GRIK3: variants seen among roughly 807,000 people sequenced by gnomAD.
The protein encoded by GRIK3 is glutamate ionotropic receptor kainate type subunit 3.
Under a neutral mutation model 102.5 loss-of-function variants are expected in GRIK3, and 29 were observed. The ratio of observed to expected loss-of-function variants is 0.28; its 90% CI spans 0.21 to 0.39. The LOEUF (loss-of-function observed/expected upper bound fraction) is 0.39, where lower values mean the gene tolerates loss of function less well. Among genes scored for constraint, GRIK3 ranks in the 10% least tolerant of loss-of-function variants. The pLI is 1.00. For synonymous variants in GRIK3, 511 were observed against 504.9 expected, an observed-to-expected ratio of 1.01 and a Z score of -0.16; for missense variants, 908 against 1,252.4, an observed-to-expected ratio of 0.73 and a Z score of 4.15.
intron 1 of GRIK3, among the ~76,000 whole-genome samples, chr1:36,960,221 C>T (rs1168070291): frequency 3.3e-5 from 5 of 150,174 alleles, no homozygotes; most frequent in African/African-American, 7.4e-5. Flanking sequence ...AGCCTGTGTG[C>T]CCTGTGAGCC....
intron 10 of GRIK3, among the ~76,000 whole-genome samples, chr1:36,841,141 AC>A (rs370407112): frequency 1.7e-4 from 25 of 150,862 alleles, no homozygotes; most frequent in African/African-American, 5.6e-4. Context: ...GCCCAGGTAC[AC>A]CCCCCACCCC....
chr1:36,958,182 GC>G (rs1274749390), intron 1 of GRIK3, among the ~76,000 whole-genome samples: 10 of 71,034 alleles, frequency 1.4e-4, no homozygotes, highest in African/African-American at 7.0e-4. Context: ...GTGAGTCTGT[GC>G]CCCTGAGTCT....
chr1:36,986,465 C>CCCATCCATCCATCCAT (rs774258723), intron 1 of GRIK3, among the ~76,000 whole-genome samples: 1 of 115,188 alleles, frequency 8.7e-6, no homozygotes, highest in Non-Finnish European at 1.8e-5. Context: ...CATCCATCAG[C>CCCATCCATCCATCCAT]CCATCCATCC....
chr1:36,949,421 G>A (rs950897624), intron 1 of GRIK3, among the ~76,000 whole-genome samples: 4 of 152,062 alleles, frequency 2.6e-5, no homozygotes, highest in Non-Finnish European at 5.9e-5. Flanking sequence ...AGCTCACAGA[G>A]GGCTTTCAAT....
At chr1:36,977,543 T>C (rs1024876521) in intron 1 of GRIK3, among the ~76,000 whole-genome samples, 4 of 152,022 alleles carry the variant, frequency 2.6e-5, no homozygotes, top group East Asian at 1.9e-4. Flanking sequence ...ATGCAAAAAA[T>C]GTAGAAAATT....
At chr1:36,858,671 T>A (rs1477940075) in intron 7 of GRIK3, among the ~76,000 whole-genome samples, 1 of 152,170 alleles carries the variant, frequency 6.6e-6, no homozygotes, top group African/African-American at 2.4e-5. Flanking sequence ...TTGACCCTCC[T>A]CCTGCACTAA....
chr1:36,944,317 T>A (rs556302221), intron 1 of GRIK3, among the ~76,000 whole-genome samples: 1 of 152,212 alleles, frequency 6.6e-6, no homozygotes, highest in Non-Finnish European at 1.5e-5. Flanking sequence ...GGGATGAACT[T>A]GGTTGAAGAA....
At chr1:36,843,448 A>G (rs1475031758) in intron 9 of GRIK3, among the ~76,000 whole-genome samples, 1 of 152,180 alleles carries the variant, frequency 6.6e-6, no homozygotes, top group African/African-American at 2.4e-5. Context: ...GTGATAGATG[A>G]GGAAATTCAG....
At chr1:37,016,292 C>T (rs1642651548) in intron 1 of GRIK3, among the ~76,000 whole-genome samples, 2 of 152,238 alleles carry the variant, frequency 1.3e-5, no homozygotes, top group African/African-American at 2.4e-5. Context: ...TGACACCCAT[C>T]ACTTACTCAC....
intron 1 of GRIK3, among the ~76,000 whole-genome samples, chr1:36,897,146 A>C (rs1474969194): frequency 6.6e-6 from 1 of 152,220 alleles, no homozygotes. Flanking sequence ...AGTTCTATCC[A>C]GAGCAGTTAG....
intron 1 of GRIK3, among the ~76,000 whole-genome samples, chr1:36,949,914 C>G (rs1184341686): frequency 2.0e-5 from 3 of 152,110 alleles, no homozygotes; most frequent in Non-Finnish European, 2.9e-5. Context: ...CCCCACTTTA[C>G]AGAGAAGAAA....
chr1:36,936,742 C>T (rs1193757804), intron 1 of GRIK3, among the ~76,000 whole-genome samples: 9 of 152,110 alleles, frequency 5.9e-5, no homozygotes, highest in Admixed American at 3.9e-4. Flanking sequence ...CATCCTCTGC[C>T]AAGTGAGTCT....
chr1:36,900,848 A>G (rs577960119), intron 1 of GRIK3, among the ~76,000 whole-genome samples: 2 of 152,334 alleles, frequency 1.3e-5, no homozygotes, highest in South Asian at 4.1e-4. Context: ...ACAAATTGTT[A>G]GTATCAGAAG....
chr1:36,869,188 G>A (rs1383230448), intron 5 of GRIK3, among the ~76,000 whole-genome samples: 1 of 152,180 alleles, frequency 6.6e-6, no homozygotes, highest in Non-Finnish European at 1.5e-5. Context: ...CTCAGAGTTT[G>A]GACAGGACCC....
chr1:37,030,504 T>G (rs1642812106), intron 1 of GRIK3, among the ~76,000 whole-genome samples: 1 of 149,562 alleles, frequency 6.7e-6, no homozygotes, highest in African/African-American at 2.5e-5. Context: ...ATGCTCAGAG[T>G]CCAGAGCTGG....
At chr1:36,848,495 T>C (rs1186751589) in intron 9 of GRIK3, among the ~76,000 whole-genome samples, 2 of 152,174 alleles carry the variant, frequency 1.3e-5, no homozygotes, top group African/African-American at 4.8e-5. Context: ...ACTTTTATCC[T>C]TTTGCTTTTT....
intron 10 of GRIK3, among the ~76,000 whole-genome samples, chr1:36,827,584 T>G (rs1642768681): frequency 6.6e-6 from 1 of 152,198 alleles, no homozygotes. Context: ...AGACATGACT[T>G]CTGCCCTCAT....
chr1:36,825,783 C>A lies in GRIK3; in HGVS notation c.1574G>T (p.Arg525Leu). ...CTTGGAGAAGTCGATGGCCTTCTCT[C>A]GAACATGGGTGATGGTCAGGGGGGC... Reference protein sequence around the residue: ...AVAPLTITHVREKAIDFSKPF... With the variant: ...AVAPLTITHVLEKAIDFSKPF... The change falls in exon 11 of 16, where the codon CGA (arginine) becomes CTA (leucine). Residue 525 changes from arginine to leucine, a missense_variant. Arg to Leu is a moderately radical substitution (Grantham distance 102). Transcript: ENST00000373091. The A allele has an allele frequency of 6.2e-7, 1 of 1,613,424 alleles. No individual in the cohort carries two copies. The highest frequency in any genetic ancestry group is 8.5e-7 in the Non-Finnish European group (1 of 1,179,670).
chr1:36,992,257 G>A (rs1642370903), intron 1 of GRIK3, among the ~76,000 whole-genome samples: 1 of 152,140 alleles, frequency 6.6e-6, no homozygotes, highest in African/African-American at 2.4e-5. Flanking sequence ...GGATGTGCAA[G>A]GAAAAAACCA....
Sources: gnomAD v4.1 joint callset for allele counts (sites outside exome capture counted in the v4.1 genomes callset) on GRCh38, gnomAD v4.1.1 for gene constraint, MANE v1.5 for transcripts, NCBI Gene and HGNC (gene_info 2026-07-23, HGNC 2026-07-21) for gene names.